The following PLPP1 variants were observed in gnomAD, a reference collection of about 807,000 sequenced individuals.
The protein encoded by PLPP1 is phospholipid phosphatase 1, also known as lipid phosphate phosphohydrolase 1a.
Under a neutral mutation model 31.2 loss-of-function variants are expected in PLPP1, and 24 were observed. The observed-to-expected ratio is 0.77, with a 90% CI of 0.56 to 1.08. The LOEUF (loss-of-function observed/expected upper bound fraction) is 1.08, where lower values mean the gene tolerates loss of function less well. PLPP1 is among the 50% of genes least tolerant of loss of function. The probability of loss-of-function intolerance (pLI) is 0.00; values close to 1 mark genes in which losing one functional copy is unlikely to be tolerated. For synonymous variants in PLPP1, 146 were observed against 126.3 expected (o/e 1.16, Z -1.05); for missense variants, 319 against 342.7 (o/e 0.93, Z 0.55).
chr5:55,480,833 T>C (rs975148368), intron 1 of PLPP1, among the ~76,000 whole-genome samples: 22 of 152,234 alleles, frequency 1.4e-4, no homozygotes, highest in Non-Finnish European at 1.2e-4. Flanking sequence ...ATATGGTAAG[T>C]TGATGCTTAA....
intron 4 of PLPP1, among the ~76,000 whole-genome samples, chr5:55,426,829 T>G (rs1048468557): frequency 6.6e-6 from 1 of 152,180 alleles, no homozygotes; most frequent in Non-Finnish European, 1.5e-5. Flanking sequence ...TCTTCTACCC[T>G]CAAATTGTTT....
In PLPP1 at chr5:55,425,768, C is replaced by T. The variant is rs1010384282; in HGVS notation, c.726+95G>A. On this transcript the variant is annotated intron_variant, in intron 5 of 5. Coordinates refer to ENST00000307259, the MANE Select transcript of PLPP1 (RefSeq NM_003711.4). ...AGATTCTTGCCCACTGCATAGTCTT[C>T]TCCTCAGCTGGGGATTTTTTGGATT... 4 of 1,202,562 alleles carry T rather than the reference C, an allele frequency of 3.3e-6. No individual in the cohort carries two copies. In the Admixed American group the frequency reaches 1.1e-4, roughly 33 times the overall value. The allele number at this position is 1,202,562 out of a possible 1,614,324, so 74.5% of individuals were successfully genotyped here.
chr5:55,442,863 C>T (rs1751656561), intron 3 of PLPP1, among the ~76,000 whole-genome samples: 1 of 151,888 alleles, frequency 6.6e-6, no homozygotes, highest in South Asian at 2.1e-4. Context: ...CTAAGATTTG[C>T]TTATACAGAA....
intron 4 of PLPP1, among the ~76,000 whole-genome samples, chr5:55,436,408 G>A (rs939529301): frequency 7.2e-5 from 11 of 152,192 alleles, no homozygotes; most frequent in Non-Finnish European, 1.5e-4. Flanking sequence ...CCCTGCACAA[G>A]CTCTCTCTGC....
intron 2 of PLPP1, among the ~76,000 whole-genome samples, chr5:55,471,521 A>G (rs1013905479): frequency 1.3e-5 from 2 of 151,908 alleles, no homozygotes; most frequent in African/African-American, 2.4e-5. Flanking sequence ...ATTTTTATCA[A>G]CTCTCACTTA....
At chr5:55,458,045 C>CA (rs1296252893) in intron 3 of PLPP1, among the ~76,000 whole-genome samples, 1 of 152,176 alleles carries the variant, frequency 6.6e-6, no homozygotes, top group Non-Finnish European at 1.5e-5. Flanking sequence ...ATATTAGAGA[C>CA]ATAGGCATGG....
intron 3 of PLPP1, among the ~76,000 whole-genome samples, chr5:55,445,535 CTTTTTTTTTTT>C (rs753276317): frequency 5.9e-4 from 47 of 79,648 alleles, no homozygotes; most frequent in African/African-American, 1.7e-3. Context: ...TGCATTCACT[CTTTTTTTTTTT>C]TTTTTTTTTT....
intron 3 of PLPP1, among the ~76,000 whole-genome samples, chr5:55,444,743 T>TATGTGTGTGTGTGTG (rs368045819): frequency 1.5e-5 from 2 of 137,268 alleles, no homozygotes; most frequent in African/African-American, 5.4e-5. Flanking sequence ...GGATTCTATT[T>TATGTGTGTGTGTGTG]TGTGTGTGTG....
At chr5:55,446,295 G>A (rs1751763576) in intron 3 of PLPP1, among the ~76,000 whole-genome samples, 1 of 151,934 alleles carries the variant, frequency 6.6e-6, no homozygotes, top group Non-Finnish European at 1.5e-5. Flanking sequence ...GTCTCTTTAG[G>A]TGTATCTTTC....
chr5:55,523,401 C>T (rs1753715868), intron 1 of PLPP1, among the ~76,000 whole-genome samples: 2 of 152,112 alleles, frequency 1.3e-5, no homozygotes, highest in Admixed American at 6.5e-5. Flanking sequence ...TTCCCAAATA[C>T]ACACTAGTTA....
At chr5:55,496,488 T>C (rs1753005620) in intron 1 of PLPP1, among the ~76,000 whole-genome samples, 2 of 152,214 alleles carry the variant, frequency 1.3e-5, no homozygotes, top group Admixed American at 1.3e-4. Context: ...CTCTTTGCAC[T>C]TCAGGTCTAT....
intron 1 of PLPP1, among the ~76,000 whole-genome samples, chr5:55,501,663 C>T (rs923279195): frequency 1.7e-4 from 26 of 152,100 alleles, no homozygotes; most frequent in Non-Finnish European, 5.9e-5. Flanking sequence ...CACTACCAAA[C>T]CTGGCTAATT....
At chr5:55,499,430 G>T (rs1358127155) in intron 1 of PLPP1, among the ~76,000 whole-genome samples, 3 of 152,114 alleles carry the variant, frequency 2.0e-5, no homozygotes, top group African/African-American at 7.2e-5. Context: ...TTATAATGTG[G>T]TCTCTTATTC....
At chr5:55,426,946 TTTAAG>T (rs1215071227) in intron 4 of PLPP1, among the ~76,000 whole-genome samples, 23 of 152,192 alleles carry the variant, frequency 1.5e-4, no homozygotes, top group African/African-American at 4.6e-4. Context: ...TTGTATCCCC[TTTAAG>T]TTAAGTTCTA....
chr5:55,484,893 T>C (rs922783652), intron 1 of PLPP1: 2 of 152,142 alleles, frequency 1.3e-5, no homozygotes, highest in Non-Finnish European at 2.9e-5. Flanking sequence ...ATAAAAACAA[T>C]GGACACTGAA....
At chr5:55,526,827 G>A (rs943831947) in intron 1 of PLPP1, among the ~76,000 whole-genome samples, 4 of 150,724 alleles carry the variant, frequency 2.7e-5, no homozygotes, top group African/African-American at 9.8e-5. Context: ...AGCTACTTGG[G>A]AGGCTGAGGC....
chr5:55,527,132 G>A (rs1445289130), intron 1 of PLPP1, among the ~76,000 whole-genome samples: 1 of 152,030 alleles, frequency 6.6e-6, no homozygotes, highest in Admixed American at 6.6e-5. Context: ...ACAAAATGCT[G>A]GAAACTATTT....
chr5:55,479,947 T>G (rs1485822863), intron 1 of PLPP1, among the ~76,000 whole-genome samples: 1 of 152,198 alleles, frequency 6.6e-6, no homozygotes, highest in Non-Finnish European at 1.5e-5. Flanking sequence ...TATATATGTA[T>G]GTGGAATTAA....
At chr5:55,491,089 T>C (rs1227963911) in intron 1 of PLPP1, 1 of 1,613,700 alleles carries the variant, frequency 6.2e-7, no homozygotes, top group Non-Finnish European at 8.5e-7. Flanking sequence ...TTTGGCCCAA[T>C]TTTAGAACAG....
Sources: allele counts gnomAD v4.1 joint callset (sites outside exome capture counted in the v4.1 genomes callset), GRCh38; gene constraint gnomAD v4.1.1; transcripts MANE v1.5; gene names NCBI Gene and HGNC (gene_info 2026-07-23, HGNC 2026-07-21).